The following DOCK8 variants were observed in gnomAD, a reference collection of about 807,000 sequenced individuals.
DOCK8 encodes dedicator of cytokinesis protein 8.
DOCK8 carries 141 observed loss-of-function variants against 245.6 expected under a neutral mutation model. The observed-to-expected ratio is 0.57, with a 90% CI of 0.50 to 0.66. DOCK8 has a LOEUF of 0.66. Ranked by LOEUF, DOCK8 falls within the 30% of genes least tolerant of loss-of-function variation. The pLI is 0.00. For synonymous variants in DOCK8, 1,168 were observed against 970.2 expected (o/e 1.20, Z -3.79); for missense variants, 2,965 against 2,603.4 (o/e 1.14, Z -3.02).
At position 396,709 on chromosome 9, in the gene DOCK8, G is replaced by A. The variant is rs2054473597; in HGVS notation, c.2971-76G>A. 3.8e-6 allele frequency: 6 copies of A among 1,585,556 alleles called. No homozygotes were observed. The Admixed American group carries it at 1.0e-4, about 26-fold the overall frequency. ...CCATTGTTAGAGAGCATTTCTGTGA[G>A]TCTTTCCCCCTTTTCTGCATTGTAC... On this transcript the variant is annotated intron_variant, in intron 24 of 47. Transcript: ENST00000432829.
At chr9:273,975 G>A (rs1044098564) in intron 2 of DOCK8, among the ~76,000 whole-genome samples, 33 of 152,224 alleles carry the variant, frequency 2.2e-4, no homozygotes, top group Non-Finnish European at 4.0e-4. Flanking sequence ...CAAAGTGCTG[G>A]GATTACGAGC....
At chr9:415,056 G>C in intron 29 of DOCK8, 105 bp downstream of exon 29, 2 of 1,477,464 alleles carry the variant, frequency 1.4e-6, no homozygotes, top group Non-Finnish European at 1.9e-6. Flanking sequence ...ATGTTCATAT[G>C]AGCAATTCTT....
At chr9:423,089 T>C (rs2056342846) in intron 33 of DOCK8, among the ~76,000 whole-genome samples, 1 of 152,128 alleles carries the variant, frequency 6.6e-6, no homozygotes, top group Non-Finnish European at 1.5e-5. Context: ...GCGGTTTTCT[T>C]TGGGTGCTGG....
At chr9:355,106 G>GGA (rs1411031013) in intron 14 of DOCK8, among the ~76,000 whole-genome samples, 2 of 152,056 alleles carry the variant, frequency 1.3e-5, no homozygotes, top group Non-Finnish European at 2.9e-5. Flanking sequence ...AGGGTGACAG[G>GGA]GAGGGCAGGT....
intron 1 of DOCK8, among the ~76,000 whole-genome samples, chr9:243,995 T>A (rs565768134): frequency 2.0e-5 from 3 of 151,904 alleles, no homozygotes; most frequent in Non-Finnish European, 4.4e-5. Context: ...CCATCCTGGC[T>A]AACATGGTGA....
At chr9:289,453 G>A (rs1476604880) in intron 3 of DOCK8, 57 bp from the exon 4 acceptor site, 1 of 1,353,474 alleles carries the variant, frequency 7.4e-7, no homozygotes, top group Non-Finnish European at 1.1e-6. Flanking sequence ...ATGATTAGGG[G>A]TTGTTTTGTT....
At chr9:415,067 C>T in intron 29 of DOCK8, 116 bp downstream of exon 29, 2 of 1,449,130 alleles carry the variant, frequency 1.4e-6, no homozygotes, top group African/African-American at 2.8e-5. Flanking sequence ...AGCAATTCTT[C>T]ACAAAAATGG....
intron 2 of DOCK8, 142 bp from the exon 3 acceptor site, chr9:286,319 C>G: frequency 1.1e-6 from 1 of 902,544 alleles, no homozygotes; most frequent in Non-Finnish European, 1.7e-6. Context: ...TTGACAGCTC[C>G]TCCAAAGAGT....
At chr9:332,181 C>T (rs2051041945) in intron 9 of DOCK8, among the ~76,000 whole-genome samples, 1 of 152,150 alleles carries the variant, frequency 6.6e-6, no homozygotes. Context: ...GCTGCATTTG[C>T]TGAGTATCTA....
chr9:446,544 C>G lies in DOCK8; in HGVS notation c.5755C>G (p.Leu1919Val). ...LHEQYRRNTV[L>V]TTMHAFPYIK... ...TGAGCAGTACAGAAGGAACACAGTCCTGACCACTATGCACGCCTTCCCCTA... is the reference window on the plus strand; with the variant it reads ...TGAGCAGTACAGAAGGAACACAGTCGTGACCACTATGCACGCCTTCCCCTA... The change falls in exon 44 of 48, where the codon CTG becomes GTG. Residue 1919 changes from leucine (L) to valine (V), a missense_variant. Coordinates refer to ENST00000432829, the MANE Select transcript of DOCK8 (RefSeq NM_203447.4). 6.2e-7 allele frequency: 1 copy of G among 1,614,226 alleles called. No homozygotes were observed.
chr9:256,117 T>C (rs372376677), intron 1 of DOCK8, among the ~76,000 whole-genome samples: 1 of 152,180 alleles, frequency 6.6e-6, no homozygotes, highest in African/African-American at 2.4e-5. Flanking sequence ...TATATCTAGA[T>C]AGAAATTTTA....
intron 18 of DOCK8, 112 bp downstream of exon 18, chr9:372,398 A>G (rs779109917): frequency 8.2e-5 from 71 of 860,940 alleles, no homozygotes; most frequent in Non-Finnish European, 1.3e-4. Context: ...ATGTTCTCAG[A>G]GAGCACATTG....
rs1465298526 is a variant in DOCK8 at position 421,001 on chromosome 9, A to G, written c.4076A>G (p.Asp1359Gly). The change falls in exon 32 of 48, where the codon GAT becomes GGT. Residue 1359 changes from aspartate (D) to glycine (G), a missense_variant. By Grantham distance (94) the Asp-to-Gly change is moderately conservative (BLOSUM62 -1). Coordinates refer to ENST00000432829, the MANE Select transcript of DOCK8 (RefSeq NM_203447.4). ...ACCCAAGTCCTGCAGAAGTCAAGGGATGTCAAGGCCCGGCTGGAAGAGGCT... is the reference window on the plus strand; with the variant it reads ...ACCCAAGTCCTGCAGAAGTCAAGGGGTGTCAAGGCCCGGCTGGAAGAGGCT... ...VSTQVLQKSR[D>G]VKARLEEALL... is the part of the protein sequence containing the mutation. The G allele has an allele frequency of 6.2e-7, 1 of 1,614,226 alleles. No individual in the cohort carries two copies. Among genetic ancestry groups the G allele is most frequent in the Non-Finnish European group, 8.5e-7 (1 of 1,180,042 alleles).
At position 339,063 on chromosome 9, in the gene DOCK8, T is replaced by G; in HGVS notation, c.1480T>G (p.Ser494Ala). The change falls in exon 13 of 48, where the codon TCA becomes GCA. Residue 494 changes from serine to alanine, a missense_variant. Ser to Ala is a moderately conservative substitution (Grantham distance 99). Transcript: ENST00000432829. ...CAAGTTTTTAGCTGACTACAAAAGA[T>G]CATCATCCTTACAGAGACGAGTCAA... is the stretch of plus-strand genomic sequence containing the variant. The part of the protein sequence containing the change: ...LFKFLADYKR[S>A]SSLQRRVKSI... 1.9e-6 allele frequency: 3 copies of G among 1,614,132 alleles called. No homozygotes were observed. The highest frequency in any genetic ancestry group is 2.5e-6 in the Non-Finnish European group (3 of 1,180,018).
chr9:306,614 G>T (rs541744299), intron 5 of DOCK8, among the ~76,000 whole-genome samples: 3 of 152,152 alleles, frequency 2.0e-5, no homozygotes, highest in African/African-American at 7.2e-5. Flanking sequence ...TGGGGTATAC[G>T]GCAGTGGTTC....
Position 279,944 on chromosome 9 carries a change from T to C in DOCK8, c.157-6517T>C, listed in dbSNP as rs531497887. Among the ~76,000 whole-genome samples, 7 of 152,338 alleles carry C rather than the reference T, an allele frequency of 4.6e-5. No homozygotes were observed. In the South Asian group the frequency reaches 1.4e-3, roughly 32 times the overall value. ...TAACCTCTCTGTTTTCACTATCCTA[T>C]TTGTGAAATATTGTTTAGATTTGTG... On this transcript the variant is annotated intron_variant, in intron 2 of 47. Transcript: ENST00000432829.
chr9:256,093 A>T (rs1249658729), intron 1 of DOCK8, among the ~76,000 whole-genome samples: 1 of 152,216 alleles, frequency 6.6e-6, no homozygotes, highest in African/African-American at 2.4e-5. Flanking sequence ...AGGGAAGAGT[A>T]AGGGAACTTA....
intron 17 of DOCK8, 52 bp downstream of exon 17, chr9:371,618 G>A (rs1375864362): frequency 2.5e-6 from 4 of 1,611,710 alleles, no homozygotes; most frequent in Non-Finnish European, 3.4e-6. Context: ...GTGCATCTGA[G>A]GTCCCTGCAG....
At chr9:291,730 G>A (rs1038008967) in intron 4 of DOCK8, among the ~76,000 whole-genome samples, 3 of 151,392 alleles carry the variant, frequency 2.0e-5, no homozygotes, top group Admixed American at 1.3e-4. Flanking sequence ...GAATTTCTAT[G>A]TCAAAGGATA....
Sources: gnomAD v4.1 joint callset for allele counts (sites outside exome capture counted in the v4.1 genomes callset) on GRCh38, gnomAD v4.1.1 for gene constraint, MANE v1.5 for transcripts, NCBI Gene and HGNC (gene_info 2026-07-23, HGNC 2026-07-21) for gene names.